The following ARL15 variants were observed in gnomAD, a reference collection of about 807,000 sequenced individuals.
ARL15 encodes ARF like GTPase 15, also known as ADP-ribosylation factor-like protein 15.
In ARL15, 19 loss-of-function variants were observed where a neutral mutation model predicts 25.2. The observed-to-expected ratio is 0.75, with a 90% CI of 0.53 to 1.10. The LOEUF (loss-of-function observed/expected upper bound fraction) is 1.10. ARL15 is among the 50% of genes least tolerant of loss of function. The probability of loss-of-function intolerance (pLI) is 0.00; values close to 1 mark genes in which losing one functional copy is unlikely to be tolerated. For missense variants in ARL15, 220 were observed against 246.0 expected, an observed-to-expected ratio of 0.89 and a Z score of 0.71; for synonymous variants, 94 against 86.8, an observed-to-expected ratio of 1.08 and a Z score of -0.46.
At chr5:54,238,660 T>C (rs183833703) in intron 1 of ARL15, among the ~76,000 whole-genome samples, 2 of 152,326 alleles carry the variant, frequency 1.3e-5, no homozygotes, top group East Asian at 3.9e-4. Flanking sequence ...CAACTGTCAC[T>C]TCAAAGAACA....
intron 1 of ARL15, among the ~76,000 whole-genome samples, chr5:54,305,906 A>C (rs1758742293): frequency 1.3e-5 from 2 of 152,236 alleles, no homozygotes; most frequent in Admixed American, 1.3e-4. Flanking sequence ...AGCATCCAAG[A>C]CTAATCAACC....
chr5:53,956,022 G>A (rs922154953), intron 4 of ARL15, among the ~76,000 whole-genome samples: 1 of 151,850 alleles, frequency 6.6e-6, no homozygotes, highest in African/African-American at 2.4e-5. Flanking sequence ...GAGAAAACAG[G>A]GCATTCAAAA....
intron 4 of ARL15, among the ~76,000 whole-genome samples, chr5:54,007,308 T>C (rs974403400): frequency 6.6e-6 from 1 of 152,192 alleles, no homozygotes; most frequent in African/African-American, 2.4e-5. Context: ...GTTTTCAAGA[T>C]GGATAGCCAA....
chr5:54,087,528 C>T (rs1046076155), intron 4 of ARL15, among the ~76,000 whole-genome samples: 28 of 152,188 alleles, frequency 1.8e-4, no homozygotes, highest in African/African-American at 6.3e-4. Context: ...GAAGTAGCAC[C>T]TCTGGTTTGG....
chr5:53,980,030 T>C (rs1327035105), intron 4 of ARL15, among the ~76,000 whole-genome samples: 2 of 152,202 alleles, frequency 1.3e-5, no homozygotes, highest in Non-Finnish European at 2.9e-5. Context: ...AGTTTCTTTC[T>C]TCAACTACTA....
At chr5:53,946,853 T>C (rs2112102668) in intron 4 of ARL15, among the ~76,000 whole-genome samples, 1 of 152,326 alleles carries the variant, frequency 6.6e-6, no homozygotes, top group Non-Finnish European at 1.5e-5. Context: ...ACTCACCATT[T>C]TGGCTTTTTA....
chr5:54,187,303 A>G (rs1281819767), intron 1 of ARL15, among the ~76,000 whole-genome samples: 13 of 152,102 alleles, frequency 8.5e-5, no homozygotes. Flanking sequence ...GTTGTTGAGG[A>G]AAAAATTGCT....
At chr5:54,028,253 CTTATATAAA>C (rs1188538181) in intron 4 of ARL15, among the ~76,000 whole-genome samples, 3 of 151,994 alleles carry the variant, frequency 2.0e-5, no homozygotes, top group Non-Finnish European at 1.5e-5. Context: ...GCAATGATAA[CTTATATAAA>C]TGATGAATCA....
At chr5:54,129,458 A>T (rs1054509211) in intron 3 of ARL15, among the ~76,000 whole-genome samples, 4 of 152,256 alleles carry the variant, frequency 2.6e-5, no homozygotes, top group Non-Finnish European at 5.9e-5. Flanking sequence ...CAGAGACAGT[A>T]GCAAGAAGAG....
At chr5:54,027,990 C>T (rs1749837611) in intron 4 of ARL15, among the ~76,000 whole-genome samples, 1 of 151,866 alleles carries the variant, frequency 6.6e-6, no homozygotes, top group African/African-American at 2.4e-5. Flanking sequence ...GATCGTGGCT[C>T]ACTGCAAGCT....
chr5:54,275,004 T>C (rs775409196), intron 1 of ARL15, among the ~76,000 whole-genome samples: 1 of 152,214 alleles, frequency 6.6e-6, no homozygotes, highest in African/African-American at 2.4e-5. Context: ...TATGTGCCTA[T>C]GGGCAAAAAT....
At chr5:53,997,558 G>A (rs1357505807) in intron 4 of ARL15, among the ~76,000 whole-genome samples, 1 of 152,068 alleles carries the variant, frequency 6.6e-6, no homozygotes, top group Non-Finnish European at 1.5e-5. Context: ...CAGCACCATA[G>A]CATGAGAGAA....
chr5:54,196,769 A>G (rs1755561938), intron 1 of ARL15, among the ~76,000 whole-genome samples: 1 of 152,178 alleles, frequency 6.6e-6, no homozygotes, highest in Non-Finnish European at 1.5e-5. Flanking sequence ...CTGCAGTGGG[A>G]TATATTGAAT....
intron 4 of ARL15, among the ~76,000 whole-genome samples, chr5:53,904,798 G>A (rs1580065565): frequency 7.2e-6 from 1 of 138,536 alleles, no homozygotes; most frequent in East Asian, 2.1e-4. Flanking sequence ...GCACACTCTC[G>A]GCTTACTGCA....
intron 4 of ARL15, among the ~76,000 whole-genome samples, chr5:54,069,528 G>A (rs1463800569): frequency 5.4e-5 from 6 of 110,546 alleles, no homozygotes; most frequent in Non-Finnish European, 9.9e-5. Flanking sequence ...TCCAGATCAC[G>A]CCAGCCTGGG....
At chr5:53,912,640 C>G (rs1745501410) in intron 4 of ARL15, among the ~76,000 whole-genome samples, 1 of 152,196 alleles carries the variant, frequency 6.6e-6, no homozygotes, top group African/African-American at 2.4e-5. Context: ...ACTGAATGCA[C>G]AGACACATGA....
At chr5:54,197,302 G>A (rs968858078) in intron 1 of ARL15, among the ~76,000 whole-genome samples, 3 of 152,072 alleles carry the variant, frequency 2.0e-5, no homozygotes, top group Admixed American at 6.6e-5. Context: ...GAATGCCAGG[G>A]AAAGAACTTT....
intron 4 of ARL15, among the ~76,000 whole-genome samples, chr5:54,029,651 C>G (rs40480): frequency 0.41 from 61,826 of 151,820 alleles, 12,931 homozygotes; most frequent in African/African-American, 0.51. Context: ...TTGAGGCCAG[C>G]AGTTTGAGAC....
intron 4 of ARL15, among the ~76,000 whole-genome samples, chr5:54,033,265 A>G (rs1169198739): frequency 1.3e-5 from 2 of 151,948 alleles, no homozygotes; most frequent in African/African-American, 2.4e-5. Flanking sequence ...GTGAGCTGAG[A>G]TCACACCACT....
Sources: allele counts gnomAD v4.1 joint callset (sites outside exome capture counted in the v4.1 genomes callset), GRCh38; gene constraint gnomAD v4.1.1; transcripts MANE v1.5; gene names NCBI Gene and HGNC (gene_info 2026-07-23, HGNC 2026-07-21).